Variants in ENOX1 observed in about 807,000 individuals in gnomAD.
ENOX1 encodes the protein candidate growth-related and time keeping constitutive hydroquinone (NADH) oxidase.
A neutral mutation model predicts 82.5 loss-of-function variants in ENOX1; 42 were observed. That is an observed-to-expected ratio of 0.51 (90% CI 0.40 to 0.66). ENOX1 has a LOEUF of 0.66. ENOX1 is among the 30% of genes least tolerant of loss of function. ENOX1 has a pLI of 0.00. For synonymous variants in ENOX1, 271 were observed against 282.2 expected, an observed-to-expected ratio of 0.96 and a Z score of 0.40; for missense variants, 608 against 811.6, an observed-to-expected ratio of 0.75 and a Z score of 3.05.
chr13:43,450,046 C>T (rs905544776), intron 3 of ENOX1, among the ~76,000 whole-genome samples: 1 of 152,206 alleles, frequency 6.6e-6, no homozygotes, highest in Non-Finnish European at 1.5e-5. Context: ...ATAGCAATTT[C>T]GGAAGCGTCC....
chr13:43,528,561 A>G (rs1309722544), intron 2 of ENOX1, among the ~76,000 whole-genome samples: 11 of 151,954 alleles, frequency 7.2e-5, no homozygotes. Context: ...TTTCAAAATT[A>G]TGAGTATTTT....
At chr13:43,590,207 A>G (rs2081182956) in intron 2 of ENOX1, among the ~76,000 whole-genome samples, 1 of 152,266 alleles carries the variant, frequency 6.6e-6, no homozygotes, top group South Asian at 2.1e-4. Context: ...GAAACAAAAA[A>G]CTGAATGATG....
chr13:43,298,673 C>T, intron 11 of ENOX1, 143 bp from the exon 12 acceptor site: 2 of 646,356 alleles, frequency 3.1e-6, no homozygotes, highest in Admixed American at 3.2e-5. Context: ...CTCCCTGGGC[C>T]TCTCTTTTGT....
Position 43,586,039 on chromosome 13 carries a change from T to G in ENOX1, c.-219+81440A>C, listed in dbSNP as rs74065804. The stretch of plus-strand genomic sequence containing the variant: ...ATCATTTCTTTACGGTGAGAATGTG[T>G]AAAAGCCTATCTTTTCCTAAAGCGT... On this transcript the variant is annotated intron_variant, in intron 2 of 16. Coordinates refer to ENST00000690772, the MANE Select transcript of ENOX1 (RefSeq NM_001347969.2). Among the ~76,000 whole-genome samples, 557 of 152,362 alleles carry G rather than the reference T, an allele frequency of 3.7e-3. 5 individuals are homozygous for G. Among genetic ancestry groups the G allele is most frequent in the African/African-American group, 0.013 (542 of 41,580 alleles).
intron 2 of ENOX1, among the ~76,000 whole-genome samples, chr13:43,504,858 A>G (rs1019071510): frequency 6.6e-6 from 1 of 151,582 alleles, no homozygotes; most frequent in Non-Finnish European, 1.5e-5. Context: ...GAGGTGATTA[A>G]TATGTTTATG....
At chr13:43,604,500 T>C (rs186764703) in intron 2 of ENOX1, among the ~76,000 whole-genome samples, 1 of 152,336 alleles carries the variant, frequency 6.6e-6, no homozygotes, top group East Asian at 1.9e-4. Flanking sequence ...TATTCCTTAA[T>C]ACCTAGATTT....
chr13:43,241,904 T>C (rs2042854339), intron 14 of ENOX1, among the ~76,000 whole-genome samples: 1 of 152,242 alleles, frequency 6.6e-6, no homozygotes, highest in African/African-American at 2.4e-5. Context: ...TTTGTTATTT[T>C]GTTTTTGTTT....
chr13:43,692,972 G>A (rs1205562598), intron 1 of ENOX1, among the ~76,000 whole-genome samples: 1 of 151,948 alleles, frequency 6.6e-6, no homozygotes, highest in Non-Finnish European at 1.5e-5. Flanking sequence ...ACAGTATCAT[G>A]TACCATCAAA....
chr13:43,771,087 C>T (rs1373071863), intron 1 of ENOX1, among the ~76,000 whole-genome samples: 1 of 152,160 alleles, frequency 6.6e-6, no homozygotes, highest in Non-Finnish European at 1.5e-5. Flanking sequence ...GCCAGCGGTA[C>T]CTAAGTGTCT....
chr13:43,419,270 C>T (rs2054830604), intron 3 of ENOX1, among the ~76,000 whole-genome samples: 1 of 151,968 alleles, frequency 6.6e-6, no homozygotes, highest in South Asian at 2.1e-4. Context: ...TATCTACAAC[C>T]CCAGATAGGA....
chr13:43,321,324 C>T (rs1048214335), intron 11 of ENOX1, among the ~76,000 whole-genome samples: 2 of 152,206 alleles, frequency 1.3e-5, no homozygotes, highest in African/African-American at 4.8e-5. Flanking sequence ...GCTGGTGCTA[C>T]TGGACTGAGA....
intron 3 of ENOX1, among the ~76,000 whole-genome samples, chr13:43,427,737 A>T (rs1462801177): frequency 1.3e-5 from 2 of 152,220 alleles, no homozygotes; most frequent in African/African-American, 4.8e-5. Context: ...CAAACTAAAA[A>T]GTACCAGCAG....
intron 11 of ENOX1, among the ~76,000 whole-genome samples, chr13:43,305,846 G>T (rs1432266856): frequency 6.6e-6 from 1 of 152,228 alleles, no homozygotes; most frequent in Non-Finnish European, 1.5e-5. Context: ...AGGTGAGGAT[G>T]CCTTTAGAGT....
rs956400736 is a variant in ENOX1 at position 43,606,637 on chromosome 13, C to T, written c.-219+60842G>A. Among the ~76,000 whole-genome samples the T allele has an allele frequency of 3.3e-5, 5 of 152,002 alleles. No individual in the cohort carries two copies. The South Asian group carries it at 8.3e-4, about 25-fold the overall frequency. ...GATATAGAGAGTAGAACAATGATCA[C>T]CAGAGACTGGGAAGAATAGTAGGAG... On this transcript the variant is annotated intron_variant, in intron 2 of 16. Coordinates refer to ENST00000690772, the MANE Select transcript of ENOX1 (RefSeq NM_001347969.2).
chr13:43,597,518 C>G (rs1232593511), intron 2 of ENOX1, among the ~76,000 whole-genome samples: 1 of 152,192 alleles, frequency 6.6e-6, no homozygotes. Flanking sequence ...AAAATCAATC[C>G]AGATTACAAC....
intron 1 of ENOX1, among the ~76,000 whole-genome samples, chr13:43,711,286 A>C (rs530001811): frequency 6.6e-6 from 1 of 152,148 alleles, no homozygotes; most frequent in Non-Finnish European, 1.5e-5. Flanking sequence ...TCCATGGTGT[A>C]TATGTGCCAC....
intron 3 of ENOX1, among the ~76,000 whole-genome samples, chr13:43,454,586 G>A (rs971807104): frequency 9.9e-5 from 15 of 152,050 alleles, no homozygotes; most frequent in African/African-American, 3.6e-4. Flanking sequence ...ACTATCACAC[G>A]CTCCCAAGTT....
intron 1 of ENOX1, among the ~76,000 whole-genome samples, chr13:43,731,510 G>A (rs1270032981): frequency 7.1e-6 from 1 of 141,618 alleles, no homozygotes; most frequent in East Asian, 2.0e-4. Context: ...TTTAAGCTTG[G>A]TCCCAGTCCT....
intron 1 of ENOX1, among the ~76,000 whole-genome samples, chr13:43,690,752 C>G (rs946328720): frequency 6.6e-6 from 1 of 152,194 alleles, no homozygotes; most frequent in Non-Finnish European, 1.5e-5. Context: ...TCAACGTCTC[C>G]TAGCTTCAAA....
Sources: allele counts gnomAD v4.1 joint callset (sites outside exome capture counted in the v4.1 genomes callset), GRCh38; gene constraint gnomAD v4.1.1; transcripts MANE v1.5; gene names NCBI Gene and HGNC (gene_info 2026-07-23, HGNC 2026-07-21).